Variants in PEAK1 observed in about 807,000 individuals in gnomAD.
PEAK1 encodes pseudopodium enriched atypical kinase 1, also known as inactive tyrosine-protein kinase PEAK1.
A neutral mutation model predicts 124.7 loss-of-function variants in PEAK1; 54 were observed. That is an observed-to-expected ratio of 0.43 (90% confidence interval 0.35 to 0.54). The LOEUF is 0.54. Ranked by LOEUF, PEAK1 falls within the 20% of genes least tolerant of loss-of-function variation. The pLI is 0.01. For missense variants in PEAK1, 2,046 were observed against 2,134.5 expected, an observed-to-expected ratio of 0.96 and a Z score of 0.82; for synonymous variants, 719 against 760.0, an observed-to-expected ratio of 0.95 and a Z score of 0.89.
intron 1 of PEAK1, among the ~76,000 whole-genome samples, chr15:77,406,787 T>C (rs889293816): frequency 6.6e-6 from 1 of 152,106 alleles, no homozygotes; most frequent in South Asian, 2.1e-4. Flanking sequence ...AAAGTTCATA[T>C]GGAACCAAAA....
At chr15:77,324,718 C>T (rs1246857305) in intron 2 of PEAK1, among the ~76,000 whole-genome samples, 4 of 152,070 alleles carry the variant, frequency 2.6e-5, no homozygotes, top group African/African-American at 7.2e-5. Context: ...GGAGCAAGAA[C>T]GGATAGGAGG....
chr15:77,109,818 G>C lies in PEAK1; in HGVS notation c.*4338C>G, dbSNP rs1350203379. Reference sequence around the variant, plus strand: ...TGAAAAACATGCCAGGGTTGGCCCAGCAAGTCCAGTTTGTCTCACCCCTCT... The same window carrying C: ...TGAAAAACATGCCAGGGTTGGCCCACCAAGTCCAGTTTGTCTCACCCCTCT... On this transcript the variant is annotated 3_prime_UTR_variant, in exon 10 of 10. Transcript: ENST00000682557. 6.6e-6 allele frequency: 1 copy of C among 152,182 alleles called. No homozygotes were observed. The highest frequency in any genetic ancestry group is 2.4e-5 in the African/African-American group (1 of 41,422). 9.4% of individuals were successfully genotyped at this position (152,182 alleles called of 1,614,324 possible).
intron 5 of PEAK1, among the ~76,000 whole-genome samples, chr15:77,260,005 T>C (rs919172567): frequency 6.6e-6 from 1 of 152,136 alleles, no homozygotes; most frequent in East Asian, 1.9e-4. Context: ...AAGGGTAAAA[T>C]TTTTTTTGAG....
At chr15:77,177,325 A>G (rs536567072) in intron 7 of PEAK1, among the ~76,000 whole-genome samples, 1 of 152,172 alleles carries the variant, frequency 6.6e-6, no homozygotes, top group African/African-American at 2.4e-5. Context: ...GGAATATAAC[A>G]TTCAACTACC....
chr15:77,276,065 A>C (rs980282274), intron 5 of PEAK1, among the ~76,000 whole-genome samples: 1 of 152,192 alleles, frequency 6.6e-6, no homozygotes, highest in Non-Finnish European at 1.5e-5. Context: ...AACAATAGGA[A>C]GAAAACAAAC....
intron 1 of PEAK1, chr15:77,418,559 G>A: frequency 2.0e-6 from 2 of 985,074 alleles, no homozygotes; most frequent in Non-Finnish European, 2.4e-6. Flanking sequence ...TTGAAGCCAA[G>A]AAAATGTACC....
chr15:77,335,276 G>A (rs1218210235), intron 2 of PEAK1: 1 of 985,282 alleles, frequency 1.0e-6, no homozygotes, highest in Admixed American at 6.1e-5. Flanking sequence ...AAGCAATGCT[G>A]CCTAACAAAG....
In PEAK1 at chr15:77,216,839, A is replaced by G. The variant is rs180994307; in HGVS notation, c.-114-34799T>C. ...CTAGATCAGCTGCGGACAAGAGCAG[A>G]GATTTTAATGGAAATTTTAAACAAG... is the stretch of plus-strand genomic sequence containing the variant. On this transcript the variant is annotated intron_variant, in intron 6 of 9. Coordinates refer to ENST00000682557, the MANE Select transcript of PEAK1 (RefSeq NM_001385026.1). Among the ~76,000 whole-genome samples the G allele has an allele frequency of 4.9e-3, 753 of 152,334 alleles. 14 individuals carry two copies. The highest frequency in any genetic ancestry group is 0.017 in the African/African-American group (717 of 41,564).
intron 1 of PEAK1, among the ~76,000 whole-genome samples, chr15:77,386,076 T>C (rs765924231): frequency 3.3e-5 from 5 of 152,302 alleles, no homozygotes; most frequent in Non-Finnish European, 7.4e-5. Context: ...CACTGACTCC[T>C]GGAATGTAAA....
intron 6 of PEAK1, among the ~76,000 whole-genome samples, chr15:77,207,265 A>C (rs1327496039): frequency 2.0e-5 from 3 of 152,232 alleles, no homozygotes; most frequent in Non-Finnish European, 4.4e-5. Flanking sequence ...ATAACTTTAA[A>C]AAAGAACTGC....
chr15:77,119,841 C>T (rs1033349564), intron 9 of PEAK1, among the ~76,000 whole-genome samples: 1 of 152,194 alleles, frequency 6.6e-6, no homozygotes, highest in Non-Finnish European at 1.5e-5. Context: ...ATAACTTCAA[C>T]CTAGAGAGCT....
intron 2 of PEAK1, among the ~76,000 whole-genome samples, chr15:77,363,640 G>C (rs375191590): frequency 1.3e-5 from 2 of 152,030 alleles, no homozygotes; most frequent in Non-Finnish European, 2.9e-5. Flanking sequence ...ATCCTAATTC[G>C]GTAAGTGATT....
At chr15:77,167,468 AAC>A (rs1374311657) in intron 7 of PEAK1, among the ~76,000 whole-genome samples, 2 of 152,238 alleles carry the variant, frequency 1.3e-5, no homozygotes, top group African/African-American at 4.8e-5. Context: ...TTAAAAATTT[AAC>A]AGTAAGGACT....
chr15:77,371,698 G>A (rs541428346), intron 1 of PEAK1, among the ~76,000 whole-genome samples: 1 of 152,298 alleles, frequency 6.6e-6, no homozygotes, highest in African/African-American at 2.4e-5. Context: ...GACCAGTCTG[G>A]CCAACATGGT....
downstream of PEAK1, chr15:77,106,271 A>T (rs1232716070): frequency 6.6e-6 from 1 of 152,238 alleles, no homozygotes; most frequent in African/African-American, 2.4e-5. Context: ...TTGCCAGATC[A>T]ACTCAAAATT....
In PEAK1 at chr15:77,182,039, A is replaced by G. The variant is rs964838367; in HGVS notation, c.-113T>C. 9 of 1,436,968 alleles carry G rather than the reference A, an allele frequency of 6.3e-6. No homozygotes were observed. In the African/African-American group the frequency reaches 7.1e-5, roughly 11 times the overall value. The allele number at this position is 1,436,968 out of a possible 1,614,324, so 89.0% of individuals were successfully genotyped here. A position where few individuals can be genotyped will look rare whatever the true frequency, so the allele number is the denominator to read the frequency against. ...ACAGCAGCTCTTCTAAGAATGATCA[A>G]TCTGTGGAGGGGAAAAGAAGACAAA... On this transcript the variant is annotated splice_region_variant and 5_prime_UTR_variant, in exon 7 of 10. Coordinates refer to ENST00000682557, the MANE Select transcript of PEAK1 (RefSeq NM_001385026.1).
chr15:77,252,382 C>A lies in PEAK1; in HGVS notation c.-130G>T. On this transcript the variant is annotated 5_prime_UTR_variant, in exon 6 of 10. Transcript: ENST00000682557. ...TTCTGCTTACTATTTAAATCTGAAG[C>A]ACTTCATTCATTCTGGTGACAAAGG... 1.0e-6 allele frequency: 1 copy of A among 985,286 alleles called. No homozygotes were observed. Among genetic ancestry groups the A allele is most frequent in the Non-Finnish European group, 1.2e-6 (1 of 829,824 alleles). 61.0% of individuals were successfully genotyped at this position (985,286 alleles called of 1,614,324 possible).
chr15:77,332,727 T>C (rs990786933), intron 2 of PEAK1, among the ~76,000 whole-genome samples: 2 of 152,234 alleles, frequency 1.3e-5, no homozygotes, highest in Admixed American at 6.5e-5. Context: ...TTTACCAATC[T>C]GGTAGATTTT....
At chr15:77,320,734 T>C (rs2065151916) in intron 2 of PEAK1, among the ~76,000 whole-genome samples, 1 of 152,198 alleles carries the variant, frequency 6.6e-6, no homozygotes, top group African/African-American at 2.4e-5. Context: ...TATGTATACA[T>C]GTGCCATGTT....
Sources: allele counts gnomAD v4.1 joint callset (sites outside exome capture counted in the v4.1 genomes callset), GRCh38; gene constraint gnomAD v4.1.1; transcripts MANE v1.5; gene names NCBI Gene and HGNC (gene_info 2026-07-23, HGNC 2026-07-21).